The following BTRC variants were observed in gnomAD, a reference collection of about 807,000 sequenced individuals.
BTRC encodes beta-transducin repeat containing E3 ubiquitin protein ligase, also known as F-box/WD repeat-containing protein 1A.
Under a neutral mutation model 85.5 loss-of-function variants are expected in BTRC, and 42 were observed. The observed-to-expected ratio is 0.49, with a 90% CI of 0.38 to 0.64. BTRC has a LOEUF of 0.64. BTRC is among the 30% of genes least tolerant of loss of function. The pLI is 0.00. For synonymous variants in BTRC, 255 were observed against 263.3 expected (o/e 0.97, Z 0.30); for missense variants, 594 against 743.5 (o/e 0.80, Z 2.34).
intron 4 of BTRC, among the ~76,000 whole-genome samples, chr10:101,493,937 G>A (rs1411299772): frequency 1.3e-5 from 2 of 152,180 alleles, no homozygotes; most frequent in Non-Finnish European, 2.9e-5. Context: ...CCAAGGGGCA[G>A]CATCAAATAG....
chr10:101,368,528 G>A (rs556871726), intron 1 of BTRC, among the ~76,000 whole-genome samples: 6 of 136,980 alleles, frequency 4.4e-5, no homozygotes, highest in Admixed American at 7.7e-5. Flanking sequence ...TGCCCAGGCC[G>A]GAGTGCAGTG....
intron 13 of BTRC, among the ~76,000 whole-genome samples, chr10:101,540,469 G>T (rs1383471908): frequency 1.3e-5 from 2 of 152,150 alleles, no homozygotes; most frequent in Non-Finnish European, 2.9e-5. Flanking sequence ...CTGTTCCATT[G>T]ATTTTTGTCT....
intron 1 of BTRC, among the ~76,000 whole-genome samples, chr10:101,378,298 T>C (rs1163228176): frequency 6.6e-6 from 1 of 152,214 alleles, no homozygotes; most frequent in Non-Finnish European, 1.5e-5. Flanking sequence ...AGGTTAAATT[T>C]GTTTAATGAG....
chr10:101,416,057 A>G (rs1226516619), intron 1 of BTRC, among the ~76,000 whole-genome samples: 8 of 152,110 alleles, frequency 5.3e-5, no homozygotes, highest in Non-Finnish European at 1.2e-4. Context: ...GAAATCACCT[A>G]GTGATGCATT....
intron 1 of BTRC, chr10:101,354,474 C>A: frequency 4.0e-6 from 2 of 505,716 alleles, no homozygotes; most frequent in East Asian, 3.6e-5. Context: ...GGAGCTTAAT[C>A]GAGGAGGGGG....
At chr10:101,552,154 TTTTTA>T (rs1055617418) in intron 14 of BTRC, among the ~76,000 whole-genome samples, 10 of 151,754 alleles carry the variant, frequency 6.6e-5, no homozygotes, top group Non-Finnish European at 1.0e-4. Context: ...TTTCTTATTA[TTTTTA>T]TTTTATTTTA....
intron 1 of BTRC, among the ~76,000 whole-genome samples, chr10:101,404,000 GTGTATATATATATATA>G (rs2134006307): frequency 2.0e-5 from 1 of 51,146 alleles, no homozygotes; most frequent in African/African-American, 7.3e-5. Context: ...ATGTGTGTGT[GTGTATATATATATATA>G]TATATATATA....
rs1190571870 is a variant in BTRC at position 101,532,746 on chromosome 10, CTA to C, written c.979-202_979-201del. ...ATAAAAGTTTGCATTAGTACTGAAG[CTA>C]TATGTGTGTGTGTGTGTGTGTGTGT... is the stretch of plus-strand genomic sequence containing the variant. On this transcript the variant is annotated intron_variant, in intron 8 of 14. Transcript: ENST00000370187. 4.8e-4 allele frequency among the ~76,000 whole-genome samples: 47 copies of C among 97,082 alleles called. 1 individual carries two copies. In the East Asian group the frequency reaches 0.015, roughly 31 times the overall value. 63.7% of individuals were successfully genotyped at this position (97,082 alleles called of 152,430 possible). A position where few individuals can be genotyped will look rare whatever the true frequency, so the allele number is the denominator to read the frequency against.
intron 4 of BTRC, among the ~76,000 whole-genome samples, chr10:101,515,407 T>A (rs1233378784): frequency 1.3e-5 from 2 of 152,216 alleles, no homozygotes; most frequent in Non-Finnish European, 2.9e-5. Flanking sequence ...TCTTAATAGA[T>A]CCAATTTCTG....
chr10:101,538,450 A>G, intron 13 of BTRC, 79 bp downstream of exon 13: 1 of 1,321,028 alleles, frequency 7.6e-7, no homozygotes, highest in Non-Finnish European at 1.1e-6. Context: ...TGGAATATGG[A>G]TTTGAATTTA....
Position 101,536,689 on chromosome 10 carries a change from C to T in BTRC, c.1577+36C>T, listed in dbSNP as rs1460853658. 4.1e-6 allele frequency: 6 copies of T among 1,474,248 alleles called. No individual in the cohort carries two copies. In the Admixed American group the frequency reaches 5.1e-5, roughly 12 times the overall value. 91.3% of individuals were successfully genotyped at this position (1,474,248 alleles called of 1,614,324 possible). The stretch of plus-strand genomic sequence containing the variant: ...TAACAGAGTGTAAAAAAGAGAAAAT[C>T]TACGTCTTAATCCTTCCTTATGTTT... On this transcript the variant is annotated intron_variant, in intron 12 of 14. Transcript: ENST00000370187.
At chr10:101,375,922 G>A (rs1310461460) in intron 1 of BTRC, among the ~76,000 whole-genome samples, 1 of 152,204 alleles carries the variant, frequency 6.6e-6, no homozygotes, top group East Asian at 1.9e-4. Flanking sequence ...GTGCTGGCCA[G>A]TGTATCAACA....
chr10:101,471,395 TAGAC>T lies in BTRC; in HGVS notation c.235-7965_235-7962del, dbSNP rs572489985. 1.6e-3 allele frequency among the ~76,000 whole-genome samples: 245 copies of T among 152,218 alleles called. 1 individual carries two copies. Among genetic ancestry groups the T allele is most frequent in the African/African-American group, 5.4e-3 (223 of 41,542 alleles). On this transcript the variant is annotated intron_variant, in intron 3 of 14. Coordinates refer to ENST00000370187, the MANE Select transcript of BTRC (RefSeq NM_033637.4). Reference sequence around the variant, plus strand: ...CAGAAAGAGAAACTATCTCCAAAAATAGACAGACAGATAGATAACTACTTTTTTT... The same window carrying T: ...CAGAAAGAGAAACTATCTCCAAAAATAGACAGATAGATAACTACTTTTTTT...
chr10:101,474,160 A>G (rs1945612116), intron 3 of BTRC, among the ~76,000 whole-genome samples: 1 of 151,820 alleles, frequency 6.6e-6, no homozygotes, highest in African/African-American at 2.4e-5. Flanking sequence ...CCTTTTTCTC[A>G]TTTTTAGTAA....
At chr10:101,493,663 A>C (rs1395491382) in intron 4 of BTRC, among the ~76,000 whole-genome samples, 2 of 152,254 alleles carry the variant, frequency 1.3e-5, no homozygotes, top group Non-Finnish European at 2.9e-5. Flanking sequence ...TAAAATTATG[A>C]TAGAGTAATA....
intron 3 of BTRC, among the ~76,000 whole-genome samples, chr10:101,471,858 G>T (rs1196016996): frequency 4.6e-5 from 7 of 152,126 alleles, no homozygotes; most frequent in African/African-American, 1.7e-4. Context: ...TTGAAGAAAT[G>T]TTTCCTGTTT....
chr10:101,396,125 A>T (rs1432145675), intron 1 of BTRC, among the ~76,000 whole-genome samples: 1 of 151,868 alleles, frequency 6.6e-6, no homozygotes, highest in Non-Finnish European at 1.5e-5. Context: ...TGTTATAGCG[A>T]ATACTGGTAC....
rs2062391581 is a variant in BTRC at position 101,536,671 on chromosome 10, G to A, written c.1577+18G>A. On this transcript the variant is annotated intron_variant, in intron 12 of 14. Transcript: ENST00000370187. ...TATGATGGGTGAGTGTGCTAACAGA[G>A]TGTAAAAAAGAGAAAATCTACGTCT... 1.3e-6 allele frequency: 2 copies of A among 1,556,776 alleles called. No individual in the cohort carries two copies. The highest frequency in any genetic ancestry group is 1.8e-6 in the Non-Finnish European group (2 of 1,130,338).
intron 1 of BTRC, among the ~76,000 whole-genome samples, chr10:101,424,153 G>C (rs975880774): frequency 2.0e-5 from 3 of 152,062 alleles, no homozygotes. Context: ...AAAATCACTT[G>C]AACCTGGGAG....
Sources: gnomAD v4.1 joint callset for allele counts (sites outside exome capture counted in the v4.1 genomes callset) on GRCh38, gnomAD v4.1.1 for gene constraint, MANE v1.5 for transcripts, NCBI Gene and HGNC (gene_info 2026-07-23, HGNC 2026-07-21) for gene names.